CDC40: variants seen among roughly 807,000 people sequenced by gnomAD.
CDC40 encodes the protein pre-mRNA-processing factor 17.
A neutral mutation model predicts 80.6 loss-of-function variants in CDC40; 27 were observed. The observed-to-expected ratio is 0.33, with a 90% CI of 0.25 to 0.46. The LOEUF is 0.46. CDC40 is among the 20% of genes least tolerant of loss of function. The pLI is 1.00. For missense variants in CDC40, 486 were observed against 694.1 expected (o/e 0.70, Z 3.37); for synonymous variants, 221 against 232.6 (o/e 0.95, Z 0.45).
At chr6:110,219,137 G>A (rs1028411143) in intron 10 of CDC40, among the ~76,000 whole-genome samples, 11 of 151,936 alleles carry the variant, frequency 7.2e-5, no homozygotes, top group African/African-American at 2.7e-4. Context: ...TATGAATGAA[G>A]TTATAATTTA....
chr6:110,191,300 A>G (rs1351353233), intron 1 of CDC40, among the ~76,000 whole-genome samples: 2 of 152,214 alleles, frequency 1.3e-5, no homozygotes, highest in East Asian at 3.8e-4. Flanking sequence ...TATCAGCTTC[A>G]TGAAATCCCA....
At position 110,215,311 on chromosome 6, in the gene CDC40, GCTGT is replaced by G; in HGVS notation, c.972_975del (p.Cys324Ter). On this transcript the variant is annotated frameshift_variant, in exon 9 of 15. Transcript: ENST00000307731. LOFTEE classifies it high-confidence loss of function. The stretch of plus-strand genomic sequence containing the variant: ...CTATGGGAGGTTTATGGAGAACGGC[GCTGT>G]CTGAGAACATTTATTGGTAATGCTT... 6.2e-7 allele frequency: 1 copy of G among 1,613,316 alleles called. No homozygotes were observed. The highest frequency in any genetic ancestry group is 8.5e-7 in the Non-Finnish European group (1 of 1,179,344).
intron 1 of CDC40, among the ~76,000 whole-genome samples, chr6:110,190,940 C>T (rs1402545270): frequency 6.6e-6 from 1 of 152,166 alleles, no homozygotes; most frequent in African/African-American, 2.4e-5. Flanking sequence ...CCATACCACA[C>T]ACCACATTGT....
chr6:110,215,382 A>G (rs1161558538), intron 9 of CDC40, 51 bp downstream of exon 9: 1 of 1,381,090 alleles, frequency 7.2e-7, no homozygotes, highest in East Asian at 2.3e-5. Context: ...TTTTAAAGTA[A>G]GATAACATCA....
intron 8 of CDC40, 58 bp downstream of exon 8, chr6:110,213,218 T>A (rs1777658905): frequency 9.1e-7 from 1 of 1,100,804 alleles, no homozygotes. Context: ...TTTAAATCTG[T>A]TTGATTAATT....
At chr6:110,195,161 A>G (rs1227162617) in intron 2 of CDC40, among the ~76,000 whole-genome samples, 2 of 152,214 alleles carry the variant, frequency 1.3e-5, no homozygotes, top group Admixed American at 6.5e-5. Context: ...TAGGATGTGT[A>G]TCACTTGGCA....
rs533893633 is a variant in CDC40 at position 110,223,156 on chromosome 6, C to T, written c.1341-3011C>T. 2.6e-5 allele frequency among the ~76,000 whole-genome samples: 4 copies of T among 152,294 alleles called. No individual in the cohort carries two copies. The East Asian group carries it at 7.7e-4, about 29-fold the overall frequency. ...CTAGAATGTAGTGGTGCAGTCATTGCTCACTGCAGCCTTGAACTCCTGGGC... is the reference window on the plus strand; with the variant it reads ...CTAGAATGTAGTGGTGCAGTCATTGTTCACTGCAGCCTTGAACTCCTGGGC... On this transcript the variant is annotated intron_variant, in intron 12 of 14. Coordinates refer to ENST00000307731, the MANE Select transcript of CDC40 (RefSeq NM_015891.3).
rs57659156 is a variant in CDC40 at position 110,220,443 on chromosome 6, C to CTT, written c.1340+597_1340+598dup. Among the ~76,000 whole-genome samples, 161 of 60,740 alleles carry CTT rather than the reference C, an allele frequency of 2.7e-3. 1 individual carries two copies. Among genetic ancestry groups the CTT allele is most frequent in the Non-Finnish European group, 3.0e-3 (95 of 31,638 alleles). 39.8% of individuals were successfully genotyped at this position (60,740 alleles called of 152,430 possible). A position where few individuals can be genotyped will look rare whatever the true frequency, so the allele number is the denominator to read the frequency against. ...CAATCATTGATGAAGGAGAAAGGCA[C>CTT]TTTTTTTTTTTTTTTTTTTTTTTTG... On this transcript the variant is annotated intron_variant, in intron 12 of 14. Coordinates refer to ENST00000307731, the MANE Select transcript of CDC40 (RefSeq NM_015891.3).
Position 110,180,553 on chromosome 6 carries a change from C to T in CDC40, c.109C>T (p.Leu37Phe), listed in dbSNP as rs1379550876. Residue 37 changes from leucine to phenylalanine, a missense_variant, in exon 1 of 15, where the codon CTC becomes TTC. Physicochemically the swap from Leu to Phe is conservative, Grantham distance 22. This residue lies in a region of CDC40 where 381 missense variants were observed against 492.1 expected (regional missense o/e 0.77). Coordinates refer to ENST00000307731, the MANE Select transcript of CDC40 (RefSeq NM_015891.3). ...GTGTCCGCTGCCAGCCGCCGACTCC[C>T]TCATGCACTTGACTAAATCGCCTTC... ...SRCPLPAADS[L>F]MHLTKSPSSK... The T allele has an allele frequency of 1.2e-6, 2 of 1,614,214 alleles. No individual in the cohort carries two copies. The highest frequency in any genetic ancestry group is 3.3e-5 in the Admixed American group (2 of 60,030).
chr6:110,203,889 T>C lies in CDC40; in HGVS notation c.406+2202T>C, dbSNP rs576983494. On this transcript the variant is annotated intron_variant, in intron 3 of 14. Coordinates refer to ENST00000307731, the MANE Select transcript of CDC40 (RefSeq NM_015891.3). ...GAAGTTTCTTCCTTTTGTTCGACTT[T>C]CATCTAGAATTTTCTCTACACCCAC... Among the ~76,000 whole-genome samples, 3 of 152,342 alleles carry C rather than the reference T, an allele frequency of 2.0e-5. No homozygotes were observed. In the East Asian group the frequency reaches 5.8e-4, roughly 29 times the overall value.
Position 110,209,090 on chromosome 6 carries a change from CTG to C in CDC40, c.499_500del (p.Val167IlefsTer2). 1.3e-6 allele frequency: 2 copies of C among 1,535,714 alleles called. No individual in the cohort carries two copies. Among genetic ancestry groups the C allele is most frequent in the Non-Finnish European group, 1.8e-6 (2 of 1,117,308 alleles). On this transcript the variant is annotated frameshift_variant, in exon 5 of 15. Transcript: ENST00000307731. LOFTEE classifies it high-confidence loss of function. Reference sequence around the variant, plus strand: ...TTTTTTTTTGTTAACGTAGGTTTAACTGTATTTGAAACTGGTCAGAAGAAAAC... The same window carrying C: ...TTTTTTTTTGTTAACGTAGGTTTAACTATTTGAAACTGGTCAGAAGAAAAC...
intron 1 of CDC40, among the ~76,000 whole-genome samples, chr6:110,184,956 C>A (rs1325614269): frequency 6.6e-6 from 1 of 152,116 alleles, no homozygotes; most frequent in Non-Finnish European, 1.5e-5. Flanking sequence ...AAAAACATAT[C>A]AGTAATGATA....
rs1475256947 is a variant in CDC40, at chr6:110,216,082, G to A, written c.988+751G>A. ...TGGGATATTGAGGTAAAAATGTTCA[G>A]TAAGCAATTAGATAGCCAGAGGTCG... On this transcript the variant is annotated intron_variant, in intron 9 of 14. Transcript: ENST00000307731. 2.0e-5 allele frequency among the ~76,000 whole-genome samples: 3 copies of A among 152,126 alleles called. No homozygotes were observed. In the East Asian group the frequency reaches 5.8e-4, roughly 29 times the overall value.
intron 13 of CDC40, among the ~76,000 whole-genome samples, chr6:110,227,740 A>C (rs1290431036): frequency 6.6e-6 from 1 of 152,258 alleles, no homozygotes; most frequent in Non-Finnish European, 1.5e-5. Flanking sequence ...CAAAGCATTT[A>C]CGTTGCATTA....
intron 2 of CDC40, among the ~76,000 whole-genome samples, chr6:110,196,054 A>G (rs1290210692): frequency 6.6e-6 from 1 of 152,190 alleles, no homozygotes; most frequent in Non-Finnish European, 1.5e-5. Flanking sequence ...ACCATACTGA[A>G]GGATTTACAT....
chr6:110,215,192 G>A (rs909144508), intron 8 of CDC40, 94 bp from the exon 9 acceptor site: 44 of 909,276 alleles, frequency 4.8e-5, no homozygotes, highest in Middle Eastern at 4.3e-4. Flanking sequence ...ACACACAGAT[G>A]TGCACACACA....
At position 110,204,659 on chromosome 6, in the gene CDC40, C is replaced by CTTT. The variant is rs55895216; in HGVS notation, c.407-2828_407-2826dup. The stretch of plus-strand genomic sequence containing the variant: ...CACAGTGTATAAAAGTCCTATTTCT[C>CTTT]TTTTTTTTTTTTTTTTTTTTTGAGA... On this transcript the variant is annotated intron_variant, in intron 3 of 14. Coordinates refer to ENST00000307731, the MANE Select transcript of CDC40 (RefSeq NM_015891.3). Among the ~76,000 whole-genome samples the CTTT allele has an allele frequency of 3.9e-3, 469 of 119,234 alleles. 8 individuals are homozygous for CTTT. The highest frequency in any genetic ancestry group is 0.014 in the Admixed American group (162 of 11,222). 78.2% of individuals were successfully genotyped at this position (119,234 alleles called of 152,430 possible). A position where few individuals can be genotyped will look rare whatever the true frequency, so the allele number is the denominator to read the frequency against.
chr6:110,219,320 G>T, intron 10 of CDC40, 44 bp from the exon 11 acceptor site: 1 of 888,358 alleles, frequency 1.1e-6, no homozygotes, highest in Non-Finnish European at 1.8e-6. Context: ...ATCTTTAAGT[G>T]GTCAAATTTA....
At chr6:110,195,388 AG>A (rs1442746314) in intron 2 of CDC40, among the ~76,000 whole-genome samples, 3 of 152,198 alleles carry the variant, frequency 2.0e-5, no homozygotes, top group African/African-American at 4.8e-5. Flanking sequence ...CTCAAGCTTA[AG>A]GAAAAATTGC....
Sources: allele counts gnomAD v4.1 joint callset (sites outside exome capture counted in the v4.1 genomes callset), GRCh38; gene constraint gnomAD v4.1.1; regional missense constraint gnomAD v4.1.1; transcripts MANE v1.5; gene names NCBI Gene and HGNC (gene_info 2026-07-23, HGNC 2026-07-21).